The following SORCS2 variants were observed in gnomAD, a reference collection of about 807,000 sequenced individuals.
SORCS2 encodes the protein sortilin related VPS10 domain containing receptor 2.
In SORCS2, 100 loss-of-function variants were observed where a neutral mutation model predicts 141.6. That is an observed-to-expected ratio of 0.71 (90% CI 0.60 to 0.83). SORCS2 has a LOEUF of 0.83. SORCS2 is among the 40% of genes least tolerant of loss of function. The probability of loss-of-function intolerance (pLI) is 0.00; values close to 1 mark genes in which losing one functional copy is unlikely to be tolerated. For missense variants in SORCS2, 1,646 were observed against 1,560.2 expected (o/e 1.05, Z -0.93); for synonymous variants, 789 against 676.9 (o/e 1.17, Z -2.57).
At chr4:7,561,829 ATCCATCCT>A (rs1203987637) in intron 3 of SORCS2, among the ~76,000 whole-genome samples, 1 of 151,832 alleles carries the variant, frequency 6.6e-6, no homozygotes, top group Non-Finnish European at 1.5e-5. Context: ...TCATCTGCCC[ATCCATCCT>A]TCCATCCATC....
chr4:7,645,923 C>T (rs1721043090), intron 4 of SORCS2, among the ~76,000 whole-genome samples: 1 of 152,194 alleles, frequency 6.6e-6, no homozygotes, highest in Non-Finnish European at 1.5e-5. Flanking sequence ...GCTCCCAAGG[C>T]CGTGGTGAGT....
intron 2 of SORCS2, among the ~76,000 whole-genome samples, chr4:7,437,989 G>T (rs1727419957): frequency 6.6e-6 from 1 of 152,126 alleles, no homozygotes; most frequent in East Asian, 1.9e-4. Flanking sequence ...AGTTACTTTG[G>T]TGCCTATTTC....
chr4:7,263,180 A>T (rs1256965307), intron 1 of SORCS2, among the ~76,000 whole-genome samples: 2 of 152,342 alleles, frequency 1.3e-5, no homozygotes, highest in East Asian at 3.9e-4. Flanking sequence ...GTGGGAAGTA[A>T]CCAGATTGTT....
chr4:7,741,563 GGGGGAGAA>G lies in SORCS2; in HGVS notation c.*1300_*1307del. On this transcript the variant is annotated 3_prime_UTR_variant, in exon 27 of 27. Transcript: ENST00000507866. ...AGATGACCGTGGCCTCCCTCTCAGA[GGGGGAGAA>G]CGCCAGAGCCCTGGCTGGTGATGTG... 1 of 284,302 alleles carries G rather than the reference GGGGGAGAA, an allele frequency of 3.5e-6. No homozygotes were observed. Among genetic ancestry groups the G allele is most frequent in the Non-Finnish European group, 6.5e-6 (1 of 153,858 alleles). The allele number at this position is 284,302 out of a possible 1,614,324, so 17.6% of individuals were successfully genotyped here. A position where few individuals can be genotyped will look rare whatever the true frequency, so the allele number is the denominator to read the frequency against.
At chr4:7,676,889 G>T (rs1336852951) in intron 9 of SORCS2, among the ~76,000 whole-genome samples, 827 of 40,756 alleles carry the variant, frequency 0.02, 112 homozygotes, top group Middle Eastern at 0.04. Flanking sequence ...GTCTGAAGTT[G>T]GCCTCTCTCT....
At chr4:7,500,772 T>C (rs1466809798) in intron 2 of SORCS2, among the ~76,000 whole-genome samples, 1 of 152,232 alleles carries the variant, frequency 6.6e-6, no homozygotes. Flanking sequence ...AGGCCCTGGC[T>C]GCTGGAGGGC....
At chr4:7,491,517 T>C (rs1731313864) in intron 2 of SORCS2, among the ~76,000 whole-genome samples, 1 of 152,216 alleles carries the variant, frequency 6.6e-6, no homozygotes, top group South Asian at 2.1e-4. Flanking sequence ...GCTGCTCATT[T>C]CACGCTGCTG....
intron 4 of SORCS2, among the ~76,000 whole-genome samples, chr4:7,645,036 C>A (rs973745524): frequency 1.3e-5 from 2 of 152,240 alleles, no homozygotes; most frequent in African/African-American, 4.8e-5. Flanking sequence ...CCAGGGCAGG[C>A]GTCGTAAACG....
At chr4:7,381,047 A>G (rs1022380750) in intron 1 of SORCS2, among the ~76,000 whole-genome samples, 6 of 139,796 alleles carry the variant, frequency 4.3e-5, no homozygotes, top group African/African-American at 1.6e-4. Flanking sequence ...GCGCCACTGC[A>G]CTCCAGCCTG....
At chr4:7,541,006 G>A (rs1356620036) in intron 3 of SORCS2, among the ~76,000 whole-genome samples, 1 of 152,240 alleles carries the variant, frequency 6.6e-6, no homozygotes, top group East Asian at 1.9e-4. Flanking sequence ...CACAGCTGGG[G>A]CTCAGACAGG....
At chr4:7,614,133 C>T (rs922178547) in intron 3 of SORCS2, among the ~76,000 whole-genome samples, 1 of 151,484 alleles carries the variant, frequency 6.6e-6, no homozygotes, top group African/African-American at 2.4e-5. Context: ...ACTGTCCATC[C>T]ATCCCATCCA....
chr4:7,238,072 C>A (rs188581776), intron 1 of SORCS2, among the ~76,000 whole-genome samples: 4 of 151,946 alleles, frequency 2.6e-5, no homozygotes, highest in Non-Finnish European at 4.4e-5. Context: ...CTTTCCGATG[C>A]GCTGGCAAGA....
At chr4:7,539,842 C>T (rs1712447154) in intron 3 of SORCS2, among the ~76,000 whole-genome samples, 1 of 145,482 alleles carries the variant, frequency 6.9e-6, no homozygotes, top group South Asian at 2.3e-4. Flanking sequence ...GTTGTGGCTG[C>T]TCCGCCCCAT....
At chr4:7,631,367 G>A (rs893037314) in intron 3 of SORCS2, among the ~76,000 whole-genome samples, 9 of 151,772 alleles carry the variant, frequency 5.9e-5, no homozygotes, top group South Asian at 2.1e-4. Context: ...TCCAGGCCTC[G>A]GCTTCAGGCA....
chr4:7,373,004 C>CTT (rs770636480), intron 1 of SORCS2, among the ~76,000 whole-genome samples: 1 of 87,024 alleles, frequency 1.1e-5, no homozygotes, highest in Non-Finnish European at 2.7e-5. Flanking sequence ...TTGGTGGTTT[C>CTT]TGTTTTTTTT....
At chr4:7,425,325 G>A (rs544485304) in intron 2 of SORCS2, among the ~76,000 whole-genome samples, 43 of 152,286 alleles carry the variant, frequency 2.8e-4, no homozygotes, top group African/African-American at 9.9e-4. Context: ...CCGCAGCCTG[G>A]GCAAGAGACG....
intron 18 of SORCS2, among the ~76,000 whole-genome samples, chr4:7,719,986 C>CTGG (rs1280436115): frequency 1.3e-5 from 2 of 152,128 alleles, no homozygotes; most frequent in Non-Finnish European, 2.9e-5. Flanking sequence ...GCTAGGGAAG[C>CTGG]TGGTGGGAGT....
In SORCS2 at chr4:7,469,652, C is replaced by A. The variant is rs551334503; in HGVS notation, c.549-61878C>A. Among the ~76,000 whole-genome samples the A allele has an allele frequency of 1.1e-4, 17 of 152,282 alleles. No homozygotes were observed. In the South Asian group the frequency reaches 3.5e-3, roughly 32 times the overall value. ...GCTGCACATGAGTCTCCTGGGCAGG[C>A]CTACAGATTATGAAGCCTGGACCCT... is the stretch of plus-strand genomic sequence containing the variant. On this transcript the variant is annotated intron_variant, in intron 2 of 26. Coordinates refer to ENST00000507866, the MANE Select transcript of SORCS2 (RefSeq NM_020777.3).
chr4:7,244,490 T>G (rs1238265176), intron 1 of SORCS2, among the ~76,000 whole-genome samples: 1 of 152,208 alleles, frequency 6.6e-6, no homozygotes, highest in Non-Finnish European at 1.5e-5. Context: ...TGTTGCATAT[T>G]AAGTGCAGGG....
Sources: allele counts gnomAD v4.1 joint callset (sites outside exome capture counted in the v4.1 genomes callset), GRCh38; gene constraint gnomAD v4.1.1; transcripts MANE v1.5; gene names NCBI Gene and HGNC (gene_info 2026-07-23, HGNC 2026-07-21).